Variants in ACACA observed in about 807,000 individuals in gnomAD.
ACACA encodes the protein acetyl-CoA carboxylase alpha, also known as acetyl-CoA carboxylase 1.
A neutral mutation model predicts 296.1 loss-of-function variants in ACACA; 103 were observed. The ratio of observed to expected loss-of-function variants is 0.35; its 90% CI spans 0.30 to 0.41. ACACA has a LOEUF of 0.41. Among genes scored for constraint, ACACA ranks in the 10% least tolerant of loss-of-function variants. The probability of loss-of-function intolerance (pLI) is 1.00; values close to 1 mark genes in which losing one functional copy is unlikely to be tolerated. For synonymous variants in ACACA, 953 were observed against 1,038.6 expected, an observed-to-expected ratio of 0.92 and a Z score of 1.58; for missense variants, 1,554 against 2,989.7, an observed-to-expected ratio of 0.52 and a Z score of 11.20.
At position 37,248,000 on chromosome 17, in the gene ACACA, C is replaced by T; in HGVS notation, c.2309+11G>A. 1.9e-6 allele frequency: 3 copies of T among 1,613,770 alleles called. No homozygotes were observed. Among genetic ancestry groups the T allele is most frequent in the South Asian group, 1.1e-5 (1 of 91,070 alleles). ...GGATGACCAGCAAATGGACCTCAAA[C>T]AGCCACTTACCTATCCACTTCCTCT... On this transcript the variant is annotated intron_variant, in intron 18 of 55. Transcript: ENST00000616317.
chr17:37,114,993 C>A (rs796706812), intron 50 of ACACA, among the ~76,000 whole-genome samples: 2 of 152,224 alleles, frequency 1.3e-5, no homozygotes, highest in East Asian at 3.8e-4. Context: ...TCAGTGAGCA[C>A]AGTTCACTGC....
At chr17:37,251,680 A>T (rs1414967972) in intron 16 of ACACA, among the ~76,000 whole-genome samples, 1 of 152,200 alleles carries the variant, frequency 6.6e-6, no homozygotes, top group Non-Finnish European at 1.5e-5. Context: ...TGCTAGGGAG[A>T]AATACCAGAT....
At chr17:37,283,773 A>T (rs983112645) in intron 4 of ACACA, among the ~76,000 whole-genome samples, 1 of 152,252 alleles carries the variant, frequency 6.6e-6, no homozygotes, top group African/African-American at 2.4e-5. Context: ...CAACCAGTGC[A>T]GTGCCATGCA....
intron 35 of ACACA, among the ~76,000 whole-genome samples, chr17:37,199,687 G>A (rs745315678): frequency 2.0e-5 from 3 of 151,996 alleles, no homozygotes; most frequent in African/African-American, 4.8e-5. Flanking sequence ...AAATGCAACT[G>A]GCTGTCCTTG....
intron 45 of ACACA, among the ~76,000 whole-genome samples, chr17:37,139,254 C>T (rs966533899): frequency 2.6e-5 from 4 of 152,152 alleles, no homozygotes; most frequent in African/African-American, 9.7e-5. Context: ...GGGCCCTTAG[C>T]TTGAGTTCAG....
At chr17:37,209,608 C>A (rs1184422766) in intron 30 of ACACA, among the ~76,000 whole-genome samples, 1 of 152,156 alleles carries the variant, frequency 6.6e-6, no homozygotes, top group African/African-American at 2.4e-5. Context: ...TCTCCACATC[C>A]AAATTGGGAT....
chr17:37,153,486 C>G (rs2076121341), intron 43 of ACACA, among the ~76,000 whole-genome samples: 1 of 152,104 alleles, frequency 6.6e-6, no homozygotes, highest in Admixed American at 6.6e-5. Context: ...TTGAAAATGT[C>G]CTGTCTTTGC....
At chr17:37,193,658 G>GA (rs997743746) in intron 35 of ACACA, among the ~76,000 whole-genome samples, 24 of 151,738 alleles carry the variant, frequency 1.6e-4, no homozygotes, top group Admixed American at 6.6e-4. Flanking sequence ...TCTCCCAGGG[G>GA]AAAAAAAATG....
intron 5 of ACACA, 33 bp from the exon 6 acceptor site, chr17:37,278,038 T>A (rs777626576): frequency 1.3e-6 from 2 of 1,533,610 alleles, no homozygotes; most frequent in Non-Finnish European, 1.8e-6. Context: ...AGAGAACACA[T>A]GATTTTTTTT....
rs537403283 is a variant in ACACA at position 37,402,872 on chromosome 17, C to T, written c.38+3390G>A. ...TATTTTTAGTTGAGATGGGGTTTCA[C>T]CATGTTAGCCAGGATGGTCTCGATC... On this transcript the variant is annotated intron_variant, in intron 1 of 55. Transcript: ENST00000616317. 1.5e-3 allele frequency among the ~76,000 whole-genome samples: 228 copies of T among 152,248 alleles called. 1 individual carries two copies. The highest frequency in any genetic ancestry group is 5.3e-3 in the African/African-American group (221 of 41,548).
chr17:37,145,120 C>T (rs1415705480), intron 45 of ACACA, among the ~76,000 whole-genome samples: 1 of 152,110 alleles, frequency 6.6e-6, no homozygotes, highest in Non-Finnish European at 1.5e-5. Flanking sequence ...CATACTAATA[C>T]TTTTACCAGG....
chr17:37,184,690 A>C (rs923062917), intron 39 of ACACA, among the ~76,000 whole-genome samples: 4 of 151,976 alleles, frequency 2.6e-5, no homozygotes, highest in Non-Finnish European at 2.9e-5. Flanking sequence ...TCTCTAAAAA[A>C]ATTTAAAAAC....
intron 2 of ACACA, among the ~76,000 whole-genome samples, chr17:37,336,542 T>C (rs1324937683): frequency 1.3e-5 from 2 of 152,132 alleles, no homozygotes; most frequent in Non-Finnish European, 2.9e-5. Context: ...TAGCCAATCA[T>C]CTGTTGCCTG....
intron 43 of ACACA, among the ~76,000 whole-genome samples, chr17:37,151,914 C>A (rs1484813555): frequency 6.6e-6 from 1 of 152,140 alleles, no homozygotes; most frequent in Non-Finnish European, 1.5e-5. Context: ...CCCACCTCAG[C>A]CTCCCAAAGT....
At chr17:37,158,404 G>A (rs185894975) in intron 42 of ACACA, among the ~76,000 whole-genome samples, 4 of 152,196 alleles carry the variant, frequency 2.6e-5, no homozygotes, top group Non-Finnish European at 4.4e-5. Context: ...CAAGATGGGC[G>A]GATCACTTTG....
At chr17:37,268,741 C>CTATCTATCTATCTATA (rs1219982787) in intron 10 of ACACA, among the ~76,000 whole-genome samples, 2 of 94,528 alleles carry the variant, frequency 2.1e-5, no homozygotes, top group African/African-American at 8.0e-5. Context: ...ATCTATCTAT[C>CTATCTATCTATCTATA]TATATATATA....
At chr17:37,108,394 T>C (rs2073805340) in intron 52 of ACACA, among the ~76,000 whole-genome samples, 1 of 152,128 alleles carries the variant, frequency 6.6e-6, no homozygotes, top group South Asian at 2.1e-4. Flanking sequence ...ATTATGATTT[T>C]TTTTTTTTTT....
intron 1 of ACACA, among the ~76,000 whole-genome samples, chr17:37,398,281 C>A (rs1198971563): frequency 5.1e-5 from 4 of 79,196 alleles, no homozygotes; most frequent in African/African-American, 1.0e-4. Context: ...TGTGGTATCA[C>A]TTTTTTTTTT....
chr17:37,143,536 T>TTAG lies in ACACA; in HGVS notation c.5679+6327_5679+6328insCTA, dbSNP rs1426605302. 2,899 of 484,134 alleles carry TTAG rather than the reference T, an allele frequency of 6.0e-3. 71 individuals carry two copies. Among genetic ancestry groups the TTAG allele is most frequent in the African/African-American group, 0.05 (2,531 of 50,554 alleles). The allele number at this position is 484,134 out of a possible 1,614,324, so 30.0% of individuals were successfully genotyped here. On this transcript the variant is annotated intron_variant, in intron 45 of 55. Coordinates refer to ENST00000616317, the MANE Select transcript of ACACA (RefSeq NM_198834.3). ...TCTAAAGACACTTTTGGTAGTGTGT[T>TTAG]AACTATACAAAAGAAGACACCATAC...
Sources: allele counts gnomAD v4.1 joint callset (sites outside exome capture counted in the v4.1 genomes callset), GRCh38; gene constraint gnomAD v4.1.1; transcripts MANE v1.5; gene names NCBI Gene and HGNC (gene_info 2026-07-23, HGNC 2026-07-21).